JAK1: variants seen among roughly 807,000 people sequenced by gnomAD.
JAK1 encodes the protein tyrosine-protein kinase JAK1.
Under a neutral mutation model 136.6 loss-of-function variants are expected in JAK1, and 16 were observed. The ratio of observed to expected loss-of-function variants is 0.12; its 90% CI spans 0.08 to 0.18. The LOEUF (loss-of-function observed/expected upper bound fraction) is 0.18. JAK1 is among the 10% of genes least tolerant of loss of function. The pLI, the probability that JAK1 is intolerant of heterozygous loss-of-function variation, is 1.00. For missense variants in JAK1, 859 were observed against 1,450.1 expected, an observed-to-expected ratio of 0.59 and a Z score of 6.62; for synonymous variants, 492 against 519.5, an observed-to-expected ratio of 0.95 and a Z score of 0.72.
intron 2 of JAK1, among the ~76,000 whole-genome samples, chr1:65,028,996 C>T (rs935372425): frequency 1.3e-5 from 2 of 152,110 alleles, no homozygotes; most frequent in Non-Finnish European, 2.9e-5. Context: ...TTACAAAGGA[C>T]AAAGGAAGGA....
At chr1:64,988,950 ATATATATGTATGTATG>A (rs1225444152) in intron 2 of JAK1, among the ~76,000 whole-genome samples, 14 of 124,674 alleles carry the variant, frequency 1.1e-4, no homozygotes, top group Non-Finnish European at 1.7e-4. Context: ...ATGTATGTGT[ATATATATGTATGTATG>A]TATATATATA....
chr1:64,890,524 A>G (rs1247337741), intron 1 of JAK1, among the ~76,000 whole-genome samples: 2 of 152,216 alleles, frequency 1.3e-5, no homozygotes, highest in Non-Finnish European at 2.9e-5. Context: ...AGGATTAAAA[A>G]TATCTTTCAG....
chr1:65,054,402 T>C (rs1294798714), intron 1 of JAK1, among the ~76,000 whole-genome samples: 4 of 152,102 alleles, frequency 2.6e-5, no homozygotes, highest in East Asian at 1.9e-4. Context: ...TAGTCTCTTA[T>C]ATATATGATT....
Position 64,991,543 on chromosome 1 carries a change from G to A in JAK1, c.-78+52937C>T, listed in dbSNP as rs375702122. ...AATTACATGTATTTTAATTTAATTA[G>A]TTTGATCACCAGGAATGCAGATGCC... On this transcript the variant is annotated intron_variant, in intron 2 of 25. Coordinates refer to the JAK1 transcript ENST00000671954. 30 of 152,286 alleles carry A rather than the reference G, an allele frequency of 2.0e-4. 5 individuals carry two copies. The highest frequency in any genetic ancestry group is 3.3e-4 in the Admixed American group (5 of 15,288). The allele number at this position is 152,286 out of a possible 1,614,324, so 9.4% of individuals were successfully genotyped here. A position where few individuals can be genotyped will look rare whatever the true frequency, so the allele number is the denominator to read the frequency against.
Position 64,833,701 on chromosome 1 carries a change from AGC to A in JAK1, c.*859_*860del, listed in dbSNP as rs1654283771. The A allele has an allele frequency of 2.1e-5, 5 of 232,980 alleles. No homozygotes were observed. The highest frequency in any genetic ancestry group is 1.1e-4 in the African/African-American group (5 of 45,350). 14.4% of individuals were successfully genotyped at this position (232,980 alleles called of 1,614,324 possible). Reference sequence around the variant, plus strand: ...TGTGGTATTCAGACTGGTTGCATACAGCATTCAAAACCAGTGCTGGAATAGCT... The same window carrying A: ...TGTGGTATTCAGACTGGTTGCATACAATTCAAAACCAGTGCTGGAATAGCT... On this transcript the variant is annotated 3_prime_UTR_variant, in exon 25 of 25. Transcript: ENST00000342505.
intron 2 of JAK1, among the ~76,000 whole-genome samples, chr1:64,979,080 C>T (rs2100690728): frequency 6.6e-6 from 1 of 152,206 alleles, no homozygotes; most frequent in Admixed American, 6.5e-5. Context: ...TTCCAAAAAG[C>T]AATAGGAAAA....
chr1:64,882,649 C>T (rs772779088), intron 3 of JAK1, among the ~76,000 whole-genome samples: 1 of 152,146 alleles, frequency 6.6e-6, no homozygotes, highest in Non-Finnish European at 1.5e-5. Context: ...TTTGGTTTCC[C>T]ACCTTCTGAG....
chr1:64,853,527 C>T (rs776029161), intron 11 of JAK1, among the ~76,000 whole-genome samples: 3 of 152,180 alleles, frequency 2.0e-5, no homozygotes, highest in African/African-American at 7.2e-5. Context: ...CTCCAAACAA[C>T]GCCTGGCAAA....
At chr1:64,845,021 C>A in intron 15 of JAK1, 132 bp from the exon 16 acceptor site, 1 of 1,235,206 alleles carries the variant, frequency 8.1e-7, no homozygotes, top group Non-Finnish European at 1.1e-6. Context: ...TGCTGCCAAT[C>A]ATCTGTGTGA....
intron 2 of JAK1, among the ~76,000 whole-genome samples, chr1:64,988,481 C>T (rs149689483): frequency 2.2e-4 from 33 of 152,102 alleles, no homozygotes; most frequent in African/African-American, 6.7e-4. Flanking sequence ...TCCTGTCCCC[C>T]CCATAGAAAC....
In JAK1 at chr1:65,046,872, C is replaced by CTT. The variant is rs770524663; in HGVS notation, c.-180-2292_-180-2291dup. ...GAGCCACCGCATCCAGCCCCAACCT[C>CTT]TTTTTTTTTTTTTTTTTTTGGTTAA... On this transcript the variant is annotated intron_variant, in intron 1 of 25. Transcript: ENST00000671954. Among the ~76,000 whole-genome samples the CTT allele has an allele frequency of 5.6e-3, 639 of 113,372 alleles. 15 individuals carry two copies. The highest frequency in any genetic ancestry group is 0.019 in the African/African-American group (591 of 30,426). The allele number at this position is 113,372 out of a possible 152,430, so 74.4% of individuals were successfully genotyped here.
chr1:64,902,492 C>T (rs572613818), intron 1 of JAK1, among the ~76,000 whole-genome samples: 1 of 150,690 alleles, frequency 6.6e-6, no homozygotes, highest in Non-Finnish European at 1.5e-5. Flanking sequence ...ATGCCCTGCA[C>T]AAGGATCTGA....
chr1:64,841,932 T>C (rs1654930774), intron 17 of JAK1, among the ~76,000 whole-genome samples: 2 of 152,246 alleles, frequency 1.3e-5, no homozygotes, highest in South Asian at 4.1e-4. Flanking sequence ...TTAACTTCAA[T>C]GACTGAATGA....
At chr1:65,032,689 A>G (rs1647034361) in intron 2 of JAK1, among the ~76,000 whole-genome samples, 9 of 152,198 alleles carry the variant, frequency 5.9e-5, no homozygotes, top group Admixed American at 5.9e-4. Context: ...ATTTTCTTAT[A>G]AAGTACTTAT....
chr1:64,978,602 C>T (rs978112603), intron 2 of JAK1, among the ~76,000 whole-genome samples: 6 of 152,124 alleles, frequency 3.9e-5, no homozygotes, highest in Admixed American at 2.6e-4. Flanking sequence ...ATGATGGCCT[C>T]CTCTGAGGCC....
chr1:64,833,362 C>A lies in JAK1; in HGVS notation c.*1200G>T, dbSNP rs1244352636. On this transcript the variant is annotated 3_prime_UTR_variant, in exon 25 of 25. Coordinates refer to ENST00000342505, the MANE Select transcript of JAK1 (RefSeq NM_002227.4). ...TGGCAACTTCATTGCTGCCACTGAA[C>A]CAATCCTGAATTTGGGCTCAACAGG... 1 of 232,732 alleles carries A rather than the reference C, an allele frequency of 4.3e-6. No homozygotes were observed. The highest frequency in any genetic ancestry group is 8.5e-6 in the Non-Finnish European group (1 of 117,526). The allele number at this position is 232,732 out of a possible 1,614,324, so 14.4% of individuals were successfully genotyped here. A position where few individuals can be genotyped will look rare whatever the true frequency, so the allele number is the denominator to read the frequency against.
intron 8 of JAK1, among the ~76,000 whole-genome samples, chr1:64,861,706 G>T (rs1656355350): frequency 6.6e-6 from 1 of 152,200 alleles, no homozygotes; most frequent in African/African-American, 2.4e-5. Flanking sequence ...GCAGGAGGGA[G>T]GTCAGGGGCC....
In JAK1 at chr1:64,833,988, G is replaced by A; in HGVS notation, c.*574C>T. On this transcript the variant is annotated 3_prime_UTR_variant, in exon 25 of 25. Transcript: ENST00000342505. ...GGAGCTAAGCCACTGGAGAAACAAA[G>A]TTTAAGTCCTACTGGTGAGAGAATA... is the stretch of plus-strand genomic sequence containing the variant. The A allele has an allele frequency of 4.3e-6, 1 of 232,480 alleles. No homozygotes were observed. The highest frequency in any genetic ancestry group is 8.5e-6 in the Non-Finnish European group (1 of 117,804). The allele number at this position is 232,480 out of a possible 1,614,324, so 14.4% of individuals were successfully genotyped here. A position where few individuals can be genotyped will look rare whatever the true frequency, so the allele number is the denominator to read the frequency against.
intron 1 of JAK1, among the ~76,000 whole-genome samples, chr1:64,951,042 T>G (rs1422220760): frequency 6.6e-6 from 1 of 152,232 alleles, no homozygotes; most frequent in African/African-American, 2.4e-5. Context: ...CAGTATTTAC[T>G]AGACAATGGC....
Sources: allele counts gnomAD v4.1 joint callset (sites outside exome capture counted in the v4.1 genomes callset), GRCh38; gene constraint gnomAD v4.1.1; transcripts MANE v1.5; gene names NCBI Gene and HGNC (gene_info 2026-07-23, HGNC 2026-07-21).